The following PTCHD4 variants were observed in gnomAD, a reference collection of about 807,000 sequenced individuals.
The protein encoded by PTCHD4 is patched domain containing 4.
A neutral mutation model predicts 58.1 loss-of-function variants in PTCHD4; 33 were observed. The ratio of observed to expected loss-of-function variants is 0.57; its 90% CI spans 0.43 to 0.76. The LOEUF is 0.76. Among genes scored for constraint, PTCHD4 ranks in the 30% least tolerant of loss-of-function variants. PTCHD4 has a pLI of 0.00. For missense variants in PTCHD4, 1,058 were observed against 1,027.1 expected (o/e 1.03, Z -0.41); for synonymous variants, 478 against 409.6 (o/e 1.17, Z -2.02).
chr6:48,058,720 T>C (rs994049203), intron 3 of PTCHD4, among the ~76,000 whole-genome samples: 1 of 152,210 alleles, frequency 6.6e-6, no homozygotes, highest in Non-Finnish European at 1.5e-5. Flanking sequence ...AATACAATCT[T>C]GAAAATACTT....
chr6:47,929,864 A>C (rs1487116211), intron 4 of PTCHD4, among the ~76,000 whole-genome samples: 1 of 152,182 alleles, frequency 6.6e-6, no homozygotes, highest in African/African-American at 2.4e-5. Context: ...CCCTGGTGGG[A>C]GCATTCTACG....
Position 48,008,698 on chromosome 6 carries a change from C to G in PTCHD4, c.834G>C (p.Gly278=). Residue 278 remains glycine (G), a synonymous_variant, in exon 4 of 5, where the codon GGG becomes GGC. Coordinates refer to ENST00000339488, the MANE Select transcript of PTCHD4 (RefSeq NM_001384253.1). ...ACTTTCCATCGGTGATGAAGAAGAT[C>G]CCTGCTGCTGTGATGATGGAGATGC... ...TVCISIITAA[G]IFFITDGKYN... The G allele has an allele frequency of 6.2e-7, 1 of 1,613,682 alleles. No individual in the cohort carries two copies. The highest frequency in any genetic ancestry group is 8.5e-7 in the Non-Finnish European group (1 of 1,179,814).
At chr6:48,062,804 C>A (rs1049071761) in intron 3 of PTCHD4, among the ~76,000 whole-genome samples, 1 of 152,130 alleles carries the variant, frequency 6.6e-6, no homozygotes, top group Non-Finnish European at 1.5e-5. Flanking sequence ...ATCCCCAAAT[C>A]CACTATAATG....
At position 48,068,636 on chromosome 6, in the gene PTCHD4, G is replaced by A. The variant is rs1377032307; in HGVS notation, c.11C>T (p.Pro4Leu). The change falls in exon 3 of 5, where the codon CCG (proline) becomes CTG (leucine). Residue 4 changes from proline to leucine, a missense_variant. Transcript: ENST00000339488. This position sits in a 1 kb window ranked among gnomAD's most constrained non-coding sequence, Gnocchi z 4.2. ...CCAGATCCAGCTCGCAGGCGCTCCC[G>A]GCCGTCTTAAAAAGCACATGTGACA... The part of the protein sequence containing the change: MRR[P>L]GAPASWIWWR... The A allele has an allele frequency of 4.5e-6, 7 of 1,548,648 alleles. No individual in the cohort carries two copies. The East Asian group carries it at 1.2e-4, about 27-fold the overall frequency.
intron 4 of PTCHD4, among the ~76,000 whole-genome samples, chr6:48,005,826 G>T (rs1292026293): frequency 2.0e-5 from 3 of 152,160 alleles, no homozygotes; most frequent in Non-Finnish European, 4.4e-5. Context: ...TAAGGCTGAA[G>T]ATTCCAAATC....
At chr6:48,093,384 A>G (rs1388173829) in intron 1 of PTCHD4, among the ~76,000 whole-genome samples, 1 of 152,148 alleles carries the variant, frequency 6.6e-6, no homozygotes, top group Non-Finnish European at 1.5e-5. Flanking sequence ...TTAAAGTATT[A>G]TAGAAATTAA....
chr6:47,921,954 AAAAAAAG>A (rs1423181668), intron 4 of PTCHD4, among the ~76,000 whole-genome samples: 35 of 149,394 alleles, frequency 2.3e-4, no homozygotes, highest in African/African-American at 8.6e-4. Flanking sequence ...CTAAAAAAAA[AAAAAAAG>A]AAAAGAAAAG....
rs376000280 is a variant in PTCHD4, at chr6:47,987,719, T to C, written c.898+20915A>G. Among the ~76,000 whole-genome samples the C allele has an allele frequency of 2.1e-3, 323 of 152,168 alleles. 2 individuals carry two copies. Among genetic ancestry groups the C allele is most frequent in the Non-Finnish European group, 3.9e-3 (268 of 68,004 alleles). On this transcript the variant is annotated intron_variant, in intron 4 of 4. Coordinates refer to ENST00000339488, the MANE Select transcript of PTCHD4 (RefSeq NM_001384253.1). Reference sequence around the variant, plus strand: ...ATTCAAACTTGGATTTCCAAAGCCATAGCTTTAGAACAATGTCACATGAAA... The same window carrying C: ...ATTCAAACTTGGATTTCCAAAGCCACAGCTTTAGAACAATGTCACATGAAA...
chr6:47,960,515 T>G lies in PTCHD4; in HGVS notation c.898+48119A>C, dbSNP rs980789752. ...TGTTTAAAGAAAAAAAGTAGAAAAT[T>G]TATATCATGCTGACGTGAACCAAAA... On this transcript the variant is annotated intron_variant, in intron 4 of 4. Transcript: ENST00000339488. Among the ~76,000 whole-genome samples the G allele has an allele frequency of 3.3e-5, 5 of 151,950 alleles. No homozygotes were observed. In the South Asian group the frequency reaches 1.0e-3, roughly 31 times the overall value.
intron 4 of PTCHD4, among the ~76,000 whole-genome samples, chr6:47,903,343 A>G (rs1350461362): frequency 6.6e-6 from 1 of 151,738 alleles, no homozygotes; most frequent in Non-Finnish European, 1.5e-5. Context: ...TTGAGACAGG[A>G]TCTCCCTCTG....
intron 4 of PTCHD4, among the ~76,000 whole-genome samples, chr6:47,956,450 T>C (rs1766864557): frequency 2.0e-5 from 3 of 152,130 alleles, no homozygotes; most frequent in Admixed American, 2.0e-4. Context: ...TTATTTTTTT[T>C]TGAGACGGAG....
chr6:47,923,279 T>C (rs765808121), intron 4 of PTCHD4, among the ~76,000 whole-genome samples: 6 of 152,198 alleles, frequency 3.9e-5, no homozygotes, highest in Non-Finnish European at 7.3e-5. Flanking sequence ...TCTCATTTTC[T>C]TTACAGGCTT....
chr6:48,009,002 T>C lies in PTCHD4; in HGVS notation c.530A>G (p.Gln177Arg), dbSNP rs1023366157. 1 of 1,613,862 alleles carries C rather than the reference T, an allele frequency of 6.2e-7. No homozygotes were observed. Residue 177 changes from glutamine (Q) to arginine (R), a missense_variant, in exon 4 of 5, where the codon CAG becomes CGG. Transcript: ENST00000339488. ...ARAIQITYYL[Q>R]TYGSATQDLI... ...GTCTTGGGTGGCAGAGCCATAGGTC[T>C]GGAGGTAGTAGGTGATTTGAATGGC...
intron 3 of PTCHD4, among the ~76,000 whole-genome samples, chr6:48,031,211 C>T (rs1763426970): frequency 6.6e-6 from 1 of 152,104 alleles, no homozygotes; most frequent in Admixed American, 6.6e-5. Flanking sequence ...CCTCTGCCAC[C>T]ATTCACCAGG....
intron 1 of PTCHD4, among the ~76,000 whole-genome samples, chr6:48,088,768 G>A (rs1463262266): frequency 6.6e-6 from 1 of 152,102 alleles, no homozygotes; most frequent in African/African-American, 2.4e-5. Context: ...GGATGGCCAG[G>A]TGCAGTAGCT....
chr6:48,093,485 A>C (rs1383509638), intron 1 of PTCHD4, among the ~76,000 whole-genome samples: 1 of 151,914 alleles, frequency 6.6e-6, no homozygotes, highest in Non-Finnish European at 1.5e-5. Context: ...GACTATGCAG[A>C]GGTGGATTTG....
intron 1 of PTCHD4, among the ~76,000 whole-genome samples, chr6:48,092,006 TAC>T (rs201644356): frequency 0.013 from 1,954 of 149,538 alleles, 37 homozygotes; most frequent in African/African-American, 0.044. Context: ...CACACACACA[TAC>T]ACACACACAC....
chr6:47,985,449 G>A (rs1561991368), intron 4 of PTCHD4, among the ~76,000 whole-genome samples: 2 of 152,054 alleles, frequency 1.3e-5, no homozygotes, highest in African/African-American at 2.4e-5. Flanking sequence ...GAAAGTGTAT[G>A]AAAGTCATTT....
intron 4 of PTCHD4, among the ~76,000 whole-genome samples, chr6:47,934,770 T>C (rs909922957): frequency 3.9e-5 from 6 of 152,224 alleles, no homozygotes; most frequent in Non-Finnish European, 5.9e-5. Flanking sequence ...TTTGATTCTG[T>C]TATCTTCATC....
Sources: gnomAD v4.1 joint callset for allele counts (sites outside exome capture counted in the v4.1 genomes callset) on GRCh38, gnomAD v4.1.1 for gene constraint, Gnocchi (gnomAD v3.1) non-coding constraint, MANE v1.5 for transcripts, NCBI Gene and HGNC (gene_info 2026-07-23, HGNC 2026-07-21) for gene names.